TYW1B: variants seen among roughly 807,000 people sequenced by gnomAD.
TYW1B encodes the protein tRNA-yW synthesizing protein 1 homolog B, also known as S-adenosyl-L-methionine-dependent tRNA 4-demethylwyosine synthase TYW1B.
In TYW1B, 73 loss-of-function variants were observed where a neutral mutation model predicts 86.9. That is an observed-to-expected ratio of 0.84 (90% CI 0.70 to 1.02). The LOEUF is 1.02. Ranked by LOEUF, TYW1B falls within the 50% of genes least tolerant of loss-of-function variation. TYW1B has a pLI of 0.00. For missense variants in TYW1B, 637 were observed against 827.4 expected (o/e 0.77, Z 2.82); for synonymous variants, 248 against 292.8 (o/e 0.85, Z 1.56).
chr7:72,667,955 T>C lies in TYW1B; in HGVS notation c.1506+26732A>G, dbSNP rs566960704. ...TGTGTCACTACTATTCAAGCCATAA[T>C]TTACTCAAGGTTGACCTTAACACAG... is the stretch of plus-strand genomic sequence containing the variant. On this transcript the variant is annotated intron_variant, in intron 11 of 13. Transcript: ENST00000620995. 4.6e-5 allele frequency among the ~76,000 whole-genome samples: 7 copies of C among 152,286 alleles called. No individual in the cohort carries two copies. The South Asian group carries it at 1.5e-3, about 32-fold the overall frequency.
chr7:72,816,086 T>A (rs1322816052), intron 2 of TYW1B, among the ~76,000 whole-genome samples: 1 of 151,508 alleles, frequency 6.6e-6, no homozygotes, highest in East Asian at 1.9e-4. Flanking sequence ...AAAGAAATAG[T>A]GAAGAATGGG....
chr7:72,695,407 C>G (rs1554451280), intron 10 of TYW1B, among the ~76,000 whole-genome samples: 2 of 152,148 alleles, frequency 1.3e-5, no homozygotes, highest in African/African-American at 4.8e-5. Context: ...AGACCTAAAA[C>G]AGTAGAAACC....
intron 7 of TYW1B, chr7:72,769,094 G>T: frequency 2.6e-6 from 1 of 377,794 alleles, no homozygotes. Flanking sequence ...TGTGGGATGG[G>T]CATGCAGCAG....
At chr7:72,593,820 T>TAAAAAAAAAAAAAAAAAAAAA in intron 13 of TYW1B, among the ~76,000 whole-genome samples, 1 of 43,674 alleles carries the variant, frequency 2.3e-5, no homozygotes, top group African/African-American at 9.4e-5. Context: ...AGACTCCATC[T>TAAAAAAAAAAAAAAAAAAAAA]AAAAAAAAAA....
chr7:72,753,480 A>AT (rs11359200), intron 7 of TYW1B, among the ~76,000 whole-genome samples: 70,672 of 138,468 alleles, frequency 0.51, 20,570 homozygotes, highest in Non-Finnish European at 0.65. Context: ...ATCATTAGCA[A>AT]TTTTTTTTTT....
intron 10 of TYW1B, among the ~76,000 whole-genome samples, chr7:72,710,881 C>T (rs1252229234): frequency 6.6e-6 from 1 of 152,156 alleles, no homozygotes; most frequent in Non-Finnish European, 1.5e-5. Context: ...CTAGAAATAA[C>T]CGTGGTCTTA....
At chr7:72,706,880 G>A (rs1486436236) in intron 10 of TYW1B, among the ~76,000 whole-genome samples, 1 of 152,234 alleles carries the variant, frequency 6.6e-6, no homozygotes, top group African/African-American at 2.4e-5. Flanking sequence ...TAAACAGGCT[G>A]TAGGAAAAGC....
intron 8 of TYW1B, among the ~76,000 whole-genome samples, chr7:72,729,723 G>A (rs550589479): frequency 4.6e-5 from 7 of 151,854 alleles, no homozygotes; most frequent in South Asian, 4.2e-4. Flanking sequence ...TCACCCTCCC[G>A]ACAGGCAGAA....
chr7:72,630,788 T>G (rs1812468058), intron 11 of TYW1B, among the ~76,000 whole-genome samples: 1 of 151,814 alleles, frequency 6.6e-6, no homozygotes, highest in South Asian at 2.1e-4. Flanking sequence ...ATACTTATAA[T>G]TCAGAAATCT....
intron 7 of TYW1B, among the ~76,000 whole-genome samples, chr7:72,746,898 T>C (rs4717059): frequency 0.68 from 103,981 of 152,132 alleles, 36,634 homozygotes; most frequent in Non-Finnish European, 0.77. Context: ...GGAATGTTTT[T>C]CGTTTTAAAA....
At chr7:72,686,968 T>C (rs1554449544) in intron 11 of TYW1B, among the ~76,000 whole-genome samples, 2 of 151,962 alleles carry the variant, frequency 1.3e-5, no homozygotes, top group African/African-American at 4.8e-5. Context: ...AAAATAATAA[T>C]AACAACATTT....
At chr7:72,623,527 C>T (rs1554438312) in intron 12 of TYW1B, among the ~76,000 whole-genome samples, 1 of 152,136 alleles carries the variant, frequency 6.6e-6, no homozygotes, top group African/African-American at 2.4e-5. Flanking sequence ...TCCATCCTTT[C>T]ATTGAAGGTG....
intron 11 of TYW1B, among the ~76,000 whole-genome samples, chr7:72,666,028 T>G (rs189087373): frequency 1.6e-3 from 242 of 152,244 alleles, no homozygotes; most frequent in African/African-American, 5.4e-3. Context: ...ACTACTTATG[T>G]TACAAAGGAG....
intron 8 of TYW1B, 55 bp downstream of exon 8, chr7:72,744,429 T>C: frequency 6.6e-7 from 1 of 1,517,206 alleles, no homozygotes; most frequent in Non-Finnish European, 9.1e-7. Flanking sequence ...CTGGGCAGAT[T>C]GATTACCACA....
chr7:72,780,499 G>A (rs1430320080), intron 6 of TYW1B, among the ~76,000 whole-genome samples: 2 of 152,252 alleles, frequency 1.3e-5, no homozygotes, highest in Non-Finnish European at 1.5e-5. Flanking sequence ...AAACTGGACC[G>A]AGGTCCATGA....
chr7:72,717,675 ACACT>A (rs1786817395), intron 9 of TYW1B, among the ~76,000 whole-genome samples: 1 of 150,056 alleles, frequency 6.7e-6, no homozygotes, highest in Non-Finnish European at 1.5e-5. Context: ...ACACACACAC[ACACT>A]CTAATTCTCT....
intron 6 of TYW1B, among the ~76,000 whole-genome samples, chr7:72,785,491 A>C (rs1788113579): frequency 1.3e-5 from 2 of 150,522 alleles, no homozygotes; most frequent in African/African-American, 4.9e-5. Flanking sequence ...ACTATACAAG[A>C]AAATACAGTG....
At chr7:72,743,914 G>C (rs1554462939) in intron 8 of TYW1B, among the ~76,000 whole-genome samples, 1 of 151,080 alleles carries the variant, frequency 6.6e-6, no homozygotes, top group Non-Finnish European at 1.5e-5. Context: ...CCCAAAAAGA[G>C]AGAGGCAGAA....
At chr7:72,717,113 C>A (rs1263471247) in intron 9 of TYW1B, among the ~76,000 whole-genome samples, 1 of 151,758 alleles carries the variant, frequency 6.6e-6, no homozygotes, top group African/African-American at 2.4e-5. Flanking sequence ...CCAGCTCGGC[C>A]AACATGGCAA....
Sources: gnomAD v4.1 joint callset for allele counts (sites outside exome capture counted in the v4.1 genomes callset) on GRCh38, gnomAD v4.1.1 for gene constraint, MANE v1.5 for transcripts, NCBI Gene and HGNC (gene_info 2026-07-23, HGNC 2026-07-21) for gene names.